Variants in F13A1 observed in about 807,000 individuals in gnomAD.
The protein encoded by F13A1 is coagulation factor XIII A chain, also known as FSF, A subunit.
F13A1 carries 47 observed loss-of-function variants against 80.1 expected under a neutral mutation model. That is an observed-to-expected ratio of 0.59 (90% CI 0.46 to 0.75). The LOEUF (loss-of-function observed/expected upper bound fraction) is 0.75, where lower values mean the gene tolerates loss of function less well. Among genes scored for constraint, F13A1 ranks in the 30% least tolerant of loss-of-function variants. The probability of loss-of-function intolerance (pLI) is 0.00; values close to 1 mark genes in which losing one functional copy is unlikely to be tolerated. For synonymous variants in F13A1, 349 were observed against 344.9 expected, an observed-to-expected ratio of 1.01 and a Z score of -0.13; for missense variants, 817 against 930.4, an observed-to-expected ratio of 0.88 and a Z score of 1.59.
intron 10 of F13A1, among the ~76,000 whole-genome samples, chr6:6,190,213 T>G (rs11751364): frequency 0.14 from 21,700 of 151,976 alleles, 2,013 homozygotes; most frequent in South Asian, 0.3. Context: ...TGAAGCCTTC[T>G]TCTCTCAGCT....
At chr6:6,314,997 T>TGG (rs1231181684) in intron 2 of F13A1, among the ~76,000 whole-genome samples, 1 of 152,218 alleles carries the variant, frequency 6.6e-6, no homozygotes, top group Non-Finnish European at 1.5e-5. Context: ...TAGAAAGGTA[T>TGG]AAGACCCCAT....
rs541717910 is a variant in F13A1, at chr6:6,219,274, G to A, written c.1112+2759C>T. 2.0e-5 allele frequency among the ~76,000 whole-genome samples: 3 copies of A among 152,054 alleles called. No homozygotes were observed. In the East Asian group the frequency reaches 5.8e-4, roughly 29 times the overall value. On this transcript the variant is annotated intron_variant, in intron 8 of 14. Coordinates refer to ENST00000264870, the MANE Select transcript of F13A1 (RefSeq NM_000129.4). ...ACTGACCTCACAGAGGTCAGCTGAT[G>A]CCCAGCAAATCATTCCCACCCCCAC...
chr6:6,271,348 G>A (rs867866837), intron 3 of F13A1, among the ~76,000 whole-genome samples: 21 of 152,246 alleles, frequency 1.4e-4, no homozygotes, highest in Middle Eastern at 3.4e-3. Context: ...CCCAGGAGTC[G>A]GCATGGTTAC....
chr6:6,176,850 G>T (rs558070321), intron 11 of F13A1, among the ~76,000 whole-genome samples: 1 of 152,322 alleles, frequency 6.6e-6, no homozygotes, highest in East Asian at 1.9e-4. Context: ...AAGGTGAGGT[G>T]AATGGGAGAA....
At chr6:6,293,708 AAAGAAGG>A (rs1758266100) in intron 3 of F13A1, among the ~76,000 whole-genome samples, 2 of 136,478 alleles carry the variant, frequency 1.5e-5, no homozygotes, top group Non-Finnish European at 1.7e-5. Flanking sequence ...ATTTAGAAAG[AAAGAAGG>A]AAGAAGGAAA....
chr6:6,255,185 A>T (rs957794159), intron 4 of F13A1, among the ~76,000 whole-genome samples: 2 of 152,124 alleles, frequency 1.3e-5, no homozygotes, highest in Non-Finnish European at 2.9e-5. Flanking sequence ...GATTATATTT[A>T]TTGAATAAGT....
intron 6 of F13A1, among the ~76,000 whole-genome samples, chr6:6,234,164 CTG>C (rs1757386743): frequency 6.6e-6 from 1 of 152,114 alleles, no homozygotes; most frequent in Non-Finnish European, 1.5e-5. Context: ...CAAACTGTCA[CTG>C]TTTGCTGACG....
intron 13 of F13A1, among the ~76,000 whole-genome samples, chr6:6,167,172 C>T (rs1760687951): frequency 6.6e-6 from 1 of 152,130 alleles, no homozygotes; most frequent in Non-Finnish European, 1.5e-5. Flanking sequence ...CTTTATCTTC[C>T]TCCACAAGTG....
At position 6,152,237 on chromosome 6, in the gene F13A1, A is replaced by T. The variant is rs3024456; in HGVS notation, c.1909-288T>A. On this transcript the variant is annotated intron_variant, in intron 13 of 14. Coordinates refer to ENST00000264870, the MANE Select transcript of F13A1 (RefSeq NM_000129.4). ...CTGCTCTTTGACAGCAGGAGGGGGA[A>T]GTTCATTTGGTGTGGCAACACGTTT... Among the ~76,000 whole-genome samples, 33,007 of 152,086 alleles carry T rather than the reference A, an allele frequency of 0.22. 3,672 individuals carry two copies. The highest frequency in any genetic ancestry group is 0.28 in the Middle Eastern group (81 of 294).
intron 11 of F13A1, among the ~76,000 whole-genome samples, chr6:6,181,509 T>C (rs551868212): frequency 2.1e-4 from 32 of 152,320 alleles, no homozygotes; most frequent in African/African-American, 7.5e-4. Context: ...GTTAGAGAGA[T>C]TGCATTGTCC....
At chr6:6,276,523 G>C (rs1462604274) in intron 3 of F13A1, among the ~76,000 whole-genome samples, 1 of 152,162 alleles carries the variant, frequency 6.6e-6, no homozygotes, top group Non-Finnish European at 1.5e-5. Context: ...TACAAATCTA[G>C]AGCAGTTTCT....
intron 1 of F13A1, among the ~76,000 whole-genome samples, chr6:6,319,965 T>C (rs1758748595): frequency 6.6e-6 from 1 of 152,090 alleles, no homozygotes; most frequent in Non-Finnish European, 1.5e-5. Flanking sequence ...ATACCGAAGG[T>C]AGGCTGCGGC....
chr6:6,312,466 T>C (rs1329127563), intron 2 of F13A1, among the ~76,000 whole-genome samples: 1 of 89,942 alleles, frequency 1.1e-5, no homozygotes, highest in African/African-American at 5.2e-5. Flanking sequence ...GGTCAAGAGA[T>C]GGAGACCATC....
chr6:6,270,003 C>A (rs112781779), intron 3 of F13A1, among the ~76,000 whole-genome samples: 1 of 152,158 alleles, frequency 6.6e-6, no homozygotes, highest in South Asian at 2.1e-4. Context: ...TGAGCCACTG[C>A]GCCCAGCCTA....
rs187110638 is a variant in F13A1 at position 6,213,156 on chromosome 6, T to A, written c.1112+8877A>T. The stretch of plus-strand genomic sequence containing the variant: ...CCAATCTAGCAAGGCAGGCCAACGT[T>A]CAGATTCAGGAAATACAGAGAACAC... On this transcript the variant is annotated intron_variant, in intron 8 of 14. Transcript: ENST00000264870. Among the ~76,000 whole-genome samples, 479 of 152,134 alleles carry A rather than the reference T, an allele frequency of 3.1e-3. 2 individuals are homozygous for A. Among genetic ancestry groups the A allele is most frequent in the Non-Finnish European group, 4.8e-3 (326 of 68,010 alleles).
intron 13 of F13A1, among the ~76,000 whole-genome samples, chr6:6,163,616 T>C (rs755259340): frequency 3.5e-4 from 53 of 152,204 alleles, no homozygotes; most frequent in Non-Finnish European, 6.3e-4. Flanking sequence ...CCTGTGTTAG[T>C]TTGCTAAGAT....
intron 8 of F13A1, among the ~76,000 whole-genome samples, chr6:6,210,488 GCACC>G (rs1761587772): frequency 8.5e-5 from 2 of 23,588 alleles, no homozygotes; most frequent in African/African-American, 1.0e-3. Flanking sequence ...GGGACTACAG[GCACC>G]TGCCACAGTT....
At chr6:6,254,440 G>C (rs921140863) in intron 4 of F13A1, among the ~76,000 whole-genome samples, 40 of 152,066 alleles carry the variant, frequency 2.6e-4, no homozygotes, top group Non-Finnish European at 5.1e-4. Context: ...ATACCAAGCA[G>C]CCATTAAAAA....
intron 1 of F13A1, among the ~76,000 whole-genome samples, chr6:6,319,940 A>G (rs1307899070): frequency 2.0e-5 from 3 of 152,236 alleles, no homozygotes; most frequent in Non-Finnish European, 4.4e-5. Flanking sequence ...TGCGAGAGCC[A>G]TCCTCTAGTG....
Sources: allele counts gnomAD v4.1 joint callset (sites outside exome capture counted in the v4.1 genomes callset), GRCh38; gene constraint gnomAD v4.1.1; transcripts MANE v1.5; gene names NCBI Gene and HGNC (gene_info 2026-07-23, HGNC 2026-07-21).